The following ZFYVE26 variants were observed in gnomAD, a reference collection of about 807,000 sequenced individuals.
The protein encoded by ZFYVE26 is zinc finger FYVE-type containing 26.
ZFYVE26 carries 181 observed loss-of-function variants against 276.5 expected under a neutral mutation model. The ratio of observed to expected loss-of-function variants is 0.65; its 90% CI spans 0.58 to 0.74. The LOEUF (loss-of-function observed/expected upper bound fraction) is 0.74. Ranked by LOEUF, ZFYVE26 falls within the 30% of genes least tolerant of loss-of-function variation. ZFYVE26 has a pLI of 0.00. For missense variants in ZFYVE26, 2,821 were observed against 3,097.9 expected (o/e 0.91, Z 2.12); for synonymous variants, 1,129 against 1,203.1 (o/e 0.94, Z 1.27).
At chr14:67,811,401 G>A (rs2040298560) in intron 3 of ZFYVE26, among the ~76,000 whole-genome samples, 1 of 152,140 alleles carries the variant, frequency 6.6e-6, no homozygotes, top group Non-Finnish European at 1.5e-5. Flanking sequence ...ACCGAGAGGA[G>A]CAAAAATTTA....
At chr14:67,793,172 G>A (rs541784476) in intron 14 of ZFYVE26, among the ~76,000 whole-genome samples, 6 of 152,212 alleles carry the variant, frequency 3.9e-5, no homozygotes, top group East Asian at 1.9e-4. Flanking sequence ...CAGGAGAATC[G>A]TTTGAACCTG....
Position 67,762,361 on chromosome 14 carries a change from T to C in ZFYVE26, c.6211A>G (p.Met2071Val), listed in dbSNP as rs576540965. 4 of 1,614,202 alleles carry C rather than the reference T, an allele frequency of 2.5e-6. No homozygotes were observed. The highest frequency in any genetic ancestry group is 2.2e-5 in the East Asian group (1 of 44,890). The change falls in exon 34 of 42, where the codon ATG becomes GTG. Residue 2071 changes from methionine to valine, a missense_variant. By Grantham distance (21) the Met-to-Val change is conservative. Transcript: ENST00000347230. ...AGGTTCCCGGCTTTGAGGCAGGCCA[T>C]GCCCCAAGCATGCCACGCCCCGGTG... ...DTTGAWHAWG[M>V]ACLKAGNLTA... is the part of the protein sequence containing the mutation.
intron 27 of ZFYVE26, among the ~76,000 whole-genome samples, chr14:67,773,874 A>T (rs952790585): frequency 3.3e-5 from 5 of 152,186 alleles, no homozygotes; most frequent in African/African-American, 1.2e-4. Flanking sequence ...ACCATTTGGC[A>T]AAACAAAACA....
chr14:67,808,285 T>G (rs1412350706), intron 4 of ZFYVE26, among the ~76,000 whole-genome samples: 2 of 152,176 alleles, frequency 1.3e-5, no homozygotes, highest in Non-Finnish European at 2.9e-5. Context: ...ACAGACCAGG[T>G]AAGACATTAT....
intron 5 of ZFYVE26, 78 bp from the exon 6 acceptor site, chr14:67,806,753 TG>T: frequency 6.4e-7 from 1 of 1,569,492 alleles, no homozygotes; most frequent in South Asian, 1.1e-5. Context: ...AACAACCAAG[TG>T]ATGTGAGAGT....
chr14:67,797,278 TAAAC>T (rs894486769), intron 12 of ZFYVE26: 110 of 306,122 alleles, frequency 3.6e-4, no homozygotes, highest in Non-Finnish European at 3.6e-4. Context: ...TTTATAATGG[TAAAC>T]AACTGGAAAC....
chr14:67,789,154 A>G (rs2140231996), intron 16 of ZFYVE26, among the ~76,000 whole-genome samples, 181 bp downstream of exon 16: 1 of 152,302 alleles, frequency 6.6e-6, no homozygotes. Context: ...CCAAATTGCT[A>G]TGTCTATTTT....
At position 67,748,285 on chromosome 14, in the gene ZFYVE26, C is replaced by T. The variant is rs985999561; in HGVS notation, c.*151G>A. ...TTGCGTGAAAGGTCCTATCCTTGCCCGGGAAGGCAAGTAGGGTCCAATCCA... is the reference window on the plus strand; with the variant it reads ...TTGCGTGAAAGGTCCTATCCTTGCCTGGGAAGGCAAGTAGGGTCCAATCCA... On this transcript the variant is annotated 3_prime_UTR_variant, in exon 42 of 42. Transcript: ENST00000347230. 3.6e-6 allele frequency: 3 copies of T among 830,578 alleles called. No homozygotes were observed. Among genetic ancestry groups the T allele is most frequent in the South Asian group, 3.5e-5 (2 of 56,660 alleles). The allele number at this position is 830,578 out of a possible 1,614,324, so 51.5% of individuals were successfully genotyped here.
chr14:67,730,892 C>T lies in ZFYVE26; in HGVS notation n.2680-1073G>A, dbSNP rs112129779. Reference sequence around the variant, plus strand: ...GTGCTGGGATTACAGGCGTGAGCCACCGCGCCCAGCCCCAAGCATTTCTGA... The same window carrying T: ...GTGCTGGGATTACAGGCGTGAGCCATCGCGCCCAGCCCCAAGCATTTCTGA... On this transcript the variant is annotated intron_variant and non_coding_transcript_variant, in intron 13 of 14. Transcript: ENST00000394455. 1.1e-3 allele frequency among the ~76,000 whole-genome samples: 163 copies of T among 152,260 alleles called. 2 individuals are homozygous for T. The highest frequency in any genetic ancestry group is 3.5e-3 in the African/African-American group (146 of 41,562).
chr14:67,813,897 A>T, intron 3 of ZFYVE26, 89 bp downstream of exon 3: 1 of 900,338 alleles, frequency 1.1e-6, no homozygotes, highest in Non-Finnish European at 1.8e-6. Context: ...ATGATAAAGG[A>T]AGTAACAGAC....
exon 14 of ZFYVE26, chr14:67,729,432 C>A: frequency 6.5e-7 from 1 of 1,545,328 alleles, no homozygotes; most frequent in South Asian, 1.1e-5. Flanking sequence ...TGGGAGGTGC[C>A]GGACTCGCTG....
At chr14:67,777,031 T>C (rs1314549791) in intron 25 of ZFYVE26, among the ~76,000 whole-genome samples, 3 of 152,242 alleles carry the variant, frequency 2.0e-5, no homozygotes, top group Non-Finnish European at 4.4e-5. Context: ...GGTAAGAACT[T>C]ATCTCACCTA....
rs142798574 is a variant in ZFYVE26, at chr14:67,774,654, T to A, written c.5320+362A>T. Among the ~76,000 whole-genome samples, 1,036 of 152,210 alleles carry A rather than the reference T, an allele frequency of 6.8e-3. 11 individuals are homozygous for A. The highest frequency in any genetic ancestry group is 0.024 in the African/African-American group (996 of 41,524). ...AGGCAAGTCACTTAACACTTCTGAA[T>A]CTCCTTTGTAGAAAAAAGGAAATAG... On this transcript the variant is annotated intron_variant, in intron 27 of 41. Transcript: ENST00000347230.
chr14:67,780,322 T>C lies in ZFYVE26; in HGVS notation c.4593A>G (p.Pro1531=), dbSNP rs748595362. The part of the protein sequence containing the change: ...YQKILGLQSP[P]VWCDWQTLRS... Reference sequence around the variant, plus strand: ...TCAAGGTCTGCCAGTCACACCACACTGGGGGAGACTGCAAACCCAGAATCT... The same window carrying C: ...TCAAGGTCTGCCAGTCACACCACACCGGGGGAGACTGCAAACCCAGAATCT... The change falls in exon 23 of 42, where the codon CCA becomes CCG. Residue 1531 remains proline, a synonymous_variant. Transcript: ENST00000347230. 12 of 1,613,636 alleles carry C rather than the reference T, an allele frequency of 7.4e-6. No individual in the cohort carries two copies. In the South Asian group the frequency reaches 1.2e-4, roughly 16 times the overall value.
chr14:67,739,650 C>G (rs2038392334), intron 13 of ZFYVE26, among the ~76,000 whole-genome samples: 1 of 152,072 alleles, frequency 6.6e-6, no homozygotes, highest in Non-Finnish European at 1.5e-5. Flanking sequence ...TTTCTCCACC[C>G]CCAAGTTCTG....
intron 32 of ZFYVE26, among the ~76,000 whole-genome samples, chr14:67,765,326 A>C (rs1334841064): frequency 1.3e-5 from 2 of 152,204 alleles, no homozygotes; most frequent in South Asian, 2.1e-4. Context: ...CACCATTTAC[A>C]TGGATGATCT....
intron 36 of ZFYVE26, among the ~76,000 whole-genome samples, chr14:67,755,514 T>G (rs754271591): frequency 1.3e-5 from 2 of 152,214 alleles, no homozygotes; most frequent in Non-Finnish European, 2.9e-5. Flanking sequence ...TCCACTCAAA[T>G]TGGCTTCACT....
At chr14:67,759,397 A>G (rs2038874788) in intron 35 of ZFYVE26, among the ~76,000 whole-genome samples, 1 of 151,922 alleles carries the variant, frequency 6.6e-6, no homozygotes, top group African/African-American at 2.4e-5. Context: ...AAGCCCAGGC[A>G]GGCGGATCAC....
At chr14:67,737,924 C>A (rs2038371004) in intron 13 of ZFYVE26, among the ~76,000 whole-genome samples, 1 of 152,086 alleles carries the variant, frequency 6.6e-6, no homozygotes, top group South Asian at 2.1e-4. Context: ...CAACAGAGAA[C>A]TTTGCAAAAG....
Sources: allele counts gnomAD v4.1 joint callset (sites outside exome capture counted in the v4.1 genomes callset), GRCh38; gene constraint gnomAD v4.1.1; transcripts MANE v1.5; gene names NCBI Gene and HGNC (gene_info 2026-07-23, HGNC 2026-07-21).